Variants in MTAP observed in about 807,000 individuals in gnomAD.
The protein encoded by MTAP is S-methyl-5'-thioadenosine phosphorylase.
A neutral mutation model predicts 33.6 loss-of-function variants in MTAP; 33 were observed. The observed-to-expected ratio is 0.98, with a 90% CI of 0.74 to 1.31. The LOEUF (loss-of-function observed/expected upper bound fraction) is 1.31, where lower values mean the gene tolerates loss of function less well. MTAP is among the 40% of genes most tolerant of loss of function. MTAP has a pLI of 0.00. For missense variants in MTAP, 367 were observed against 360.0 expected (o/e 1.02, Z -0.16); for synonymous variants, 148 against 125.7 (o/e 1.18, Z -1.19).
intron 5 of MTAP, among the ~76,000 whole-genome samples, chr9:21,843,816 A>G (rs1480884219): frequency 6.6e-6 from 1 of 152,172 alleles, no homozygotes; most frequent in African/African-American, 2.4e-5. Context: ...CAAATCAACA[A>G]TCTAAGGTCA....
chr9:21,809,454 A>C (rs1824289246), intron 1 of MTAP, among the ~76,000 whole-genome samples: 1 of 151,742 alleles, frequency 6.6e-6, no homozygotes, highest in Admixed American at 6.6e-5. Context: ...CCTGGCTAAC[A>C]TGGTGAAACC....
intron 1 of MTAP, among the ~76,000 whole-genome samples, chr9:21,808,305 C>T (rs1414905944): frequency 6.6e-6 from 1 of 152,104 alleles, no homozygotes; most frequent in East Asian, 1.9e-4. Context: ...ACACATGAGG[C>T]CGGGCATGGT....
At chr9:21,803,029 CACACACA>C (rs1459086359) in intron 1 of MTAP, 2 of 1,038,580 alleles carry the variant, frequency 1.9e-6, no homozygotes, top group African/African-American at 3.6e-5. Context: ...CACACACACA[CACACACA>C]CCACCTTTTG....
intron 7 of MTAP, chr9:21,861,366 T>A (rs1276621872): frequency 2.0e-5 from 3 of 152,920 alleles, no homozygotes; most frequent in Admixed American, 6.5e-5. Flanking sequence ...CACACACATA[T>A]AAAACCTAAA....
chr9:21,807,891 T>C (rs1824247602), intron 1 of MTAP, among the ~76,000 whole-genome samples: 1 of 152,236 alleles, frequency 6.6e-6, no homozygotes, highest in Non-Finnish European at 1.5e-5. Context: ...TCTTACCCTA[T>C]AGGTACAGCT....
rs771974089 is a variant in MTAP at position 21,818,201 on chromosome 9, A to G, written c.346A>G (p.Arg116Gly). 2 of 1,612,168 alleles carry G rather than the reference A, an allele frequency of 1.2e-6. No homozygotes were observed. Among genetic ancestry groups the G allele is most frequent in the Non-Finnish European group, 8.5e-7 (1 of 1,179,098 alleles). ...DIVIIDQFID[R>G]TTMRPQSFYD... ...TGTCATTATTGATCAGTTCATTGAC[A>G]GGTAAGCAGTCATACAAAATGCTTT... The change falls in exon 4 of 8, where the codon AGG becomes GGG. Residue 116 changes from arginine to glycine, a missense_variant and splice_region_variant. Arg to Gly is a moderately radical substitution (Grantham distance 125). Transcript: ENST00000644715.
chr9:21,824,523 C>G (rs974346897), intron 4 of MTAP, among the ~76,000 whole-genome samples: 1 of 152,216 alleles, frequency 6.6e-6, no homozygotes, highest in Admixed American at 6.5e-5. Context: ...TGGGGGGTGC[C>G]TCACAGTTAG....
intron 4 of MTAP, among the ~76,000 whole-genome samples, chr9:21,831,598 G>T (rs1400694874): frequency 6.6e-6 from 1 of 152,112 alleles, no homozygotes; most frequent in African/African-American, 2.4e-5. Context: ...AAAGTGCTGG[G>T]ATTATAGGCA....
intron 5 of MTAP, among the ~76,000 whole-genome samples, chr9:21,854,132 C>G (rs1414905406): frequency 6.6e-6 from 1 of 152,170 alleles, no homozygotes; most frequent in Non-Finnish European, 1.5e-5. Flanking sequence ...CCAGCAAAAG[C>G]TTTTACAGAA....
At chr9:21,891,397 G>C (rs924458660) in intron 1 of MTAP, among the ~76,000 whole-genome samples, 2 of 152,140 alleles carry the variant, frequency 1.3e-5, no homozygotes, top group Admixed American at 6.5e-5. Flanking sequence ...AAGGAATACA[G>C]TAAAATGATA....
At chr9:21,858,123 A>C (rs1382649270) in intron 6 of MTAP, among the ~76,000 whole-genome samples, 1 of 152,194 alleles carries the variant, frequency 6.6e-6, no homozygotes, top group African/African-American at 2.4e-5. Flanking sequence ...TGGTATTTTA[A>C]TTCCATAATA....
chr9:21,902,055 G>A (rs1480027002), intron 1 of MTAP, among the ~76,000 whole-genome samples: 1 of 152,204 alleles, frequency 6.6e-6, no homozygotes, highest in East Asian at 1.9e-4. Context: ...CTACAGGCAA[G>A]GAACAGGTGC....
intron 4 of MTAP, among the ~76,000 whole-genome samples, chr9:21,823,751 A>G (rs1433253360): frequency 2.0e-5 from 3 of 152,186 alleles, no homozygotes; most frequent in Non-Finnish European, 4.4e-5. Context: ...CGGTACACCA[A>G]TCAGATGTAG....
intron 1 of MTAP, among the ~76,000 whole-genome samples, chr9:21,884,074 C>T (rs1239566714): frequency 6.6e-6 from 1 of 151,870 alleles, no homozygotes; most frequent in Non-Finnish European, 1.5e-5. Flanking sequence ...TGCAATGTCC[C>T]TTCAACATCC....
intron 1 of MTAP, among the ~76,000 whole-genome samples, chr9:21,916,120 G>GAAGGAAGGAAGGAAGGAAGGAAGGA (rs1397028813): frequency 1.7e-4 from 24 of 142,154 alleles, no homozygotes; most frequent in African/African-American, 6.2e-4. Flanking sequence ...AGGAAGGAAG[G>GAAGGAAGGAAGGAAGGAAGGAAGGA]AGGGAGGGAA....
At chr9:21,933,399 A>G (rs1365059074), downstream of MTAP, 1 of 152,180 alleles carries the variant, frequency 6.6e-6, no homozygotes, top group African/African-American at 2.4e-5. Flanking sequence ...CTCTTAACCA[A>G]TGGAGAAGGA....
intron 4 of MTAP, among the ~76,000 whole-genome samples, chr9:21,818,598 T>TA (rs1464503759): frequency 1.3e-5 from 2 of 152,202 alleles, no homozygotes; most frequent in Non-Finnish European, 2.9e-5. Flanking sequence ...GTGCTGGGAT[T>TA]ACAGGCGTGA....
chr9:21,805,060 A>G (rs1824174712), intron 1 of MTAP, among the ~76,000 whole-genome samples: 1 of 152,250 alleles, frequency 6.6e-6, no homozygotes, highest in Admixed American at 6.5e-5. Flanking sequence ...TAGGAGGCAC[A>G]TGTGTGTCTG....
chr9:21,845,205 T>G (rs758120120), intron 5 of MTAP, among the ~76,000 whole-genome samples: 4 of 151,776 alleles, frequency 2.6e-5, no homozygotes, highest in African/African-American at 7.3e-5. Flanking sequence ...GAGAAAGAAA[T>G]AAAGGGTAAA....
Sources: gnomAD v4.1 joint callset for allele counts (sites outside exome capture counted in the v4.1 genomes callset) on GRCh38, gnomAD v4.1.1 for gene constraint, MANE v1.5 for transcripts, NCBI Gene and HGNC (gene_info 2026-07-23, HGNC 2026-07-21) for gene names.